The following DYNC2I2 variants were observed in gnomAD, a reference collection of about 807,000 sequenced individuals.
The protein encoded by DYNC2I2 is cytoplasmic dynein 2 intermediate chain 2.
Under a neutral mutation model 52.0 loss-of-function variants are expected in DYNC2I2, and 39 were observed. The observed-to-expected ratio is 0.75, with a 90% CI of 0.58 to 0.98. The LOEUF (loss-of-function observed/expected upper bound fraction) is 0.98, where lower values mean the gene tolerates loss of function less well. Among genes scored for constraint, DYNC2I2 ranks in the 50% least tolerant of loss-of-function variants. The pLI is 0.00. For synonymous variants in DYNC2I2, 359 were observed against 321.1 expected (o/e 1.12, Z -1.26); for missense variants, 743 against 728.4 (o/e 1.02, Z -0.23).
rs975141554 is a variant in DYNC2I2, at chr9:128,634,129, C to G, written c.1372+97G>C. 132 of 1,574,894 alleles carry G rather than the reference C, an allele frequency of 8.4e-5. No homozygotes were observed. The Admixed American group carries it at 2.3e-3, about 27-fold the overall frequency. On this transcript the variant is annotated intron_variant, in intron 8 of 8. Transcript: ENST00000372715. ...GCTGGAGGGAAGCCGTCCTTACCCC[C>G]ATGTGTGGTCTTTTCCCCAACCCAG...
At chr9:128,641,450 G>A (rs1229906082) in intron 1 of DYNC2I2, among the ~76,000 whole-genome samples, 3 of 152,130 alleles carry the variant, frequency 2.0e-5, no homozygotes, top group East Asian at 1.9e-4. Flanking sequence ...GTGGGAGGCA[G>A]AGCACTGCCC....
At chr9:128,682,667 C>G in the DYNC2I2 span, among the ~76,000 whole-genome samples, 1 of 146,222 alleles carries the variant, frequency 6.8e-6, no homozygotes, top group East Asian at 2.0e-4. Context: ...AGGATGGGAC[C>G]TTGTCTTTTT....
chr9:128,645,190 A>T (rs1233037380), intron 1 of DYNC2I2, among the ~76,000 whole-genome samples: 3 of 4,554 alleles, frequency 6.6e-4, no homozygotes, highest in East Asian at 5.8e-3. Flanking sequence ...ATCTCTACTA[A>T]AAAAAAAAAA....
chr9:128,640,708 T>C lies in DYNC2I2; in HGVS notation c.418A>G (p.Thr140Ala), dbSNP rs890600808. ...HAFDGFEVNW[T>A]EQQQMVSCLY... ...TCCCCTACCATCTGCTGCTGCTCGG[T>C]CCAGTTCACCTCGAAGCCATCAAAC... Residue 140 changes from threonine (T) to alanine (A), a missense_variant, in exon 2 of 9, where the codon ACC (threonine) becomes GCC (alanine). Physicochemically the swap from Thr to Ala is moderately conservative, Grantham distance 58 (BLOSUM62 0). Transcript: ENST00000372715. 2 of 1,614,018 alleles carry C rather than the reference T, an allele frequency of 1.2e-6. No homozygotes were observed. The highest frequency in any genetic ancestry group is 2.7e-5 in the African/African-American group (2 of 74,928).
At chr9:128,672,055 C>G in the DYNC2I2 span, among the ~76,000 whole-genome samples, 9 of 146,346 alleles carry the variant, frequency 6.1e-5, no homozygotes, top group South Asian at 2.2e-4. Context: ...CTCACTGCAA[C>G]CTCCACCTCC....
chr9:128,634,638 G>A (rs1248803236), intron 7 of DYNC2I2, 51 bp downstream of exon 7: 20 of 1,467,824 alleles, frequency 1.4e-5, no homozygotes, highest in Non-Finnish European at 1.6e-5. Context: ...CTAGAGACCC[G>A]CAGGGCAGGG....
At chr9:128,669,456 A>G in the DYNC2I2 span, among the ~76,000 whole-genome samples, 1 of 152,084 alleles carries the variant, frequency 6.6e-6, no homozygotes, top group South Asian at 2.1e-4. Context: ...CCAGCACTTC[A>G]GGAGGCTGAG....
At chr9:128,653,290 A>G (rs1327617989) in intron 1 of DYNC2I2, among the ~76,000 whole-genome samples, 1 of 150,664 alleles carries the variant, frequency 6.6e-6, no homozygotes, top group Non-Finnish European at 1.5e-5. Flanking sequence ...TGTAATATCT[A>G]TACCTTGGGA....
intron 4 of DYNC2I2, 80 bp from the exon 5 acceptor site, chr9:128,635,847 C>T: frequency 7.3e-7 from 1 of 1,370,076 alleles, no homozygotes; most frequent in African/African-American, 1.4e-5. Context: ...CCCCAGCCCA[C>T]CTACAGGGCC....
upstream of DYNC2I2, among the ~76,000 whole-genome samples, chr9:128,660,540 C>T (rs940116893): frequency 1.3e-5 from 2 of 151,752 alleles, no homozygotes; most frequent in Non-Finnish European, 2.9e-5. Flanking sequence ...TTCAGAGTAG[C>T]GCATGCCACC....
chr9:128,656,477 C>G, intron 1 of DYNC2I2, 64 bp downstream of exon 1: 3 of 1,203,822 alleles, frequency 2.5e-6, no homozygotes, highest in Non-Finnish European at 3.1e-6. Context: ...CGAACCCGCC[C>G]GGCAGCCGCG....
chr9:128,633,661 A>G lies in DYNC2I2; in HGVS notation c.*83T>C, dbSNP rs1469950199. 4 of 1,469,138 alleles carry G rather than the reference A, an allele frequency of 2.7e-6. No individual in the cohort carries two copies. Among genetic ancestry groups the G allele is most frequent in the Non-Finnish European group, 3.7e-6 (4 of 1,079,756 alleles). The allele number at this position is 1,469,138 out of a possible 1,614,324, so 91.0% of individuals were successfully genotyped here. A position where few individuals can be genotyped will look rare whatever the true frequency, so the allele number is the denominator to read the frequency against. Reference sequence around the variant, plus strand: ...GACAAATAAATGATGACTTCCCCCAAAGCTTTGCTTTTCTTCATTTGGCTT... The same window carrying G: ...GACAAATAAATGATGACTTCCCCCAGAGCTTTGCTTTTCTTCATTTGGCTT... On this transcript the variant is annotated 3_prime_UTR_variant, in exon 9 of 9. Coordinates refer to ENST00000372715, the MANE Select transcript of DYNC2I2 (RefSeq NM_052844.4).
chr9:128,647,175 C>G (rs1335757392), intron 1 of DYNC2I2, among the ~76,000 whole-genome samples: 2 of 152,144 alleles, frequency 1.3e-5, no homozygotes, highest in Non-Finnish European at 2.9e-5. Context: ...CTGCAAATTT[C>G]CTGTGAATTG....
At chr9:128,642,508 C>A (rs1207779386) in intron 1 of DYNC2I2, among the ~76,000 whole-genome samples, 1 of 150,280 alleles carries the variant, frequency 6.7e-6, no homozygotes, top group East Asian at 2.0e-4. Flanking sequence ...CAGTGGCTCA[C>A]GCCTGTAATC....
the DYNC2I2 span, chr9:128,684,112 C>G: frequency 2.2e-6 from 2 of 890,336 alleles, no homozygotes; most frequent in Non-Finnish European, 3.4e-6. Flanking sequence ...CCTAAGCACC[C>G]CCAAAGGGTT....
Position 128,640,935 on chromosome 9 carries a change from C to A in DYNC2I2, c.191G>T (p.Ser64Ile). 1.3e-6 allele frequency: 2 copies of A among 1,586,174 alleles called. No homozygotes were observed. The highest frequency in any genetic ancestry group is 1.3e-5 in the African/African-American group (1 of 74,562). Residue 64 changes from serine (S) to isoleucine (I), a missense_variant, in exon 2 of 9, where the codon AGT becomes ATT. Physicochemically the swap from Ser to Ile is moderately radical, Grantham distance 142. Transcript: ENST00000372715. ...AGTGGCAATGCTGGCCGTCTGGCAA[C>A]TTTTCTGGGGGGAGGGTGAAAACAA... ...AVQGIRWETKSCQTASIATAS... is the reference protein window; with the variant it reads ...AVQGIRWETKICQTASIATAS...
At chr9:128,679,100 G>A in the DYNC2I2 span, among the ~76,000 whole-genome samples, 1 of 151,914 alleles carries the variant, frequency 6.6e-6, no homozygotes, top group Non-Finnish European at 1.5e-5. Context: ...AAAACAAAGA[G>A]GCAGGTATTA....
At chr9:128,648,516 T>TA (rs1860661043) in intron 1 of DYNC2I2, among the ~76,000 whole-genome samples, 1 of 150,118 alleles carries the variant, frequency 6.7e-6, no homozygotes, top group Middle Eastern at 3.3e-3. Flanking sequence ...CCAGGCATGG[T>TA]GGCTCAGGCC....
At chr9:128,660,578 G>C (rs960475229), upstream of DYNC2I2, among the ~76,000 whole-genome samples, 2 of 151,656 alleles carry the variant, frequency 1.3e-5, no homozygotes, top group Non-Finnish European at 2.9e-5. Context: ...TGTATGTTCA[G>C]TAGAGACAGG....
Sources: gnomAD v4.1 joint callset for allele counts (sites outside exome capture counted in the v4.1 genomes callset) on GRCh38, gnomAD v4.1.1 for gene constraint, MANE v1.5 for transcripts, NCBI Gene and HGNC (gene_info 2026-07-23, HGNC 2026-07-21) for gene names.